Variants in GRIN3A observed in about 807,000 individuals in gnomAD.
GRIN3A encodes the protein glutamate receptor ionotropic, NMDA 3A.
Under a neutral mutation model 92.4 loss-of-function variants are expected in GRIN3A, and 47 were observed. The ratio of observed to expected loss-of-function variants is 0.51; its 90% CI spans 0.40 to 0.65. The LOEUF (loss-of-function observed/expected upper bound fraction) is 0.65, where lower values mean the gene tolerates loss of function less well. Ranked by LOEUF, GRIN3A falls within the 30% of genes least tolerant of loss-of-function variation. The probability of loss-of-function intolerance (pLI) is 0.00; values close to 1 mark genes in which losing one functional copy is unlikely to be tolerated. For synonymous variants in GRIN3A, 527 were observed against 540.6 expected, an observed-to-expected ratio of 0.97 and a Z score of 0.35; for missense variants, 1,324 against 1,393.1, an observed-to-expected ratio of 0.95 and a Z score of 0.79.
In GRIN3A at chr9:101,571,181, C is replaced by CTGTT. The variant is rs530329897; in HGVS notation, c.*1989_*1992dup. 97 of 152,312 alleles carry CTGTT rather than the reference C, an allele frequency of 6.4e-4. 1 individual carries two copies. The highest frequency in any genetic ancestry group is 2.1e-3 in the African/African-American group (87 of 41,564). The allele number at this position is 152,312 out of a possible 1,614,324, so 9.4% of individuals were successfully genotyped here. ...GTCCTTTTGTGTTTTCAGGGCTCAC[C>CTGTT]TGTTTCCTCATTATTGAACTGTTTC... On this transcript the variant is annotated 3_prime_UTR_variant, in exon 9 of 9. Transcript: ENST00000361820.
In GRIN3A at chr9:101,737,773, C is replaced by T; in HGVS notation, c.207G>A (p.Pro69=). Residue 69 remains proline, a synonymous_variant, in exon 1 of 9, where the codon CCG becomes CCA. Transcript: ENST00000361820. The part of the protein sequence containing the change: ...TTAPRAASRA[P]DDSRAGAQRD... ...TCTGGGCTCCTGCTCGGCTGTCGTCCGGAGCGCGGCTGGCCGCGCGGGGGG... is the reference window on the plus strand; with the variant it reads ...TCTGGGCTCCTGCTCGGCTGTCGTCTGGAGCGCGGCTGGCCGCGCGGGGGG... The T allele has an allele frequency of 6.5e-7, 1 of 1,528,176 alleles. No individual in the cohort carries two copies. The highest frequency in any genetic ancestry group is 2.5e-5 in the East Asian group (1 of 40,628). The allele number at this position is 1,528,176 out of a possible 1,614,324, so 94.7% of individuals were successfully genotyped here.
chr9:101,727,359 G>A (rs1170631822), intron 1 of GRIN3A, among the ~76,000 whole-genome samples: 1 of 152,048 alleles, frequency 6.6e-6, no homozygotes, highest in Non-Finnish European at 1.5e-5. Flanking sequence ...GTATTTATAG[G>A]TGATTTGGAT....
chr9:101,579,122 A>G (rs1428398851), intron 7 of GRIN3A, 74 bp downstream of exon 7: 1 of 1,485,622 alleles, frequency 6.7e-7, no homozygotes, highest in African/African-American at 1.4e-5. Flanking sequence ...AGTCTGACAT[A>G]GGGCTCTGGA....
intron 2 of GRIN3A, among the ~76,000 whole-genome samples, chr9:101,676,416 GTA>G (rs1829395760): frequency 6.6e-6 from 1 of 151,526 alleles, no homozygotes; most frequent in African/African-American, 2.4e-5. Context: ...AACTGTCTTT[GTA>G]TCATTAAACA....
chr9:101,598,968 T>G (rs921251694), intron 6 of GRIN3A, among the ~76,000 whole-genome samples: 3 of 152,144 alleles, frequency 2.0e-5, no homozygotes, highest in African/African-American at 7.2e-5. Context: ...AGAAAGGAGC[T>G]CCCAGTGTGA....
chr9:101,633,549 G>GT (rs1208632346), intron 3 of GRIN3A, among the ~76,000 whole-genome samples: 3 of 152,158 alleles, frequency 2.0e-5, no homozygotes, highest in Non-Finnish European at 4.4e-5. Flanking sequence ...GTGGAACCAG[G>GT]TGACACAGCC....
intron 1 of GRIN3A, among the ~76,000 whole-genome samples, chr9:101,692,686 G>A (rs1325256571): frequency 6.6e-6 from 1 of 152,066 alleles, no homozygotes; most frequent in Admixed American, 6.6e-5. Context: ...CATTTGAGAG[G>A]CTCAGAACAG....
At chr9:101,705,371 C>T (rs966222473) in intron 1 of GRIN3A, among the ~76,000 whole-genome samples, 3 of 152,178 alleles carry the variant, frequency 2.0e-5, no homozygotes, top group African/African-American at 7.2e-5. Flanking sequence ...AACGGCGGAA[C>T]TCCAGGCAAA....
intron 1 of GRIN3A, among the ~76,000 whole-genome samples, chr9:101,699,385 AT>A (rs1829726244): frequency 6.6e-6 from 1 of 152,218 alleles, no homozygotes; most frequent in Admixed American, 6.5e-5. Context: ...CTTAAAAAAA[AT>A]AAGTAGAAGG....
chr9:101,630,512 G>A (rs1828697236), intron 3 of GRIN3A, among the ~76,000 whole-genome samples: 1 of 152,174 alleles, frequency 6.6e-6, no homozygotes, highest in Non-Finnish European at 1.5e-5. Context: ...ATTAGAAAGT[G>A]TGTCATTTGT....
At chr9:101,598,715 A>T (rs1828173214) in intron 6 of GRIN3A, among the ~76,000 whole-genome samples, 1 of 152,192 alleles carries the variant, frequency 6.6e-6, no homozygotes. Flanking sequence ...CCTGCCCTGG[A>T]CACCTAAGTG....
chr9:101,604,854 A>G (rs899540220), intron 6 of GRIN3A, among the ~76,000 whole-genome samples: 2 of 152,220 alleles, frequency 1.3e-5, no homozygotes, highest in Non-Finnish European at 2.9e-5. Context: ...TTGGCTTTCA[A>G]TGTATAGTTG....
intron 4 of GRIN3A, among the ~76,000 whole-genome samples, chr9:101,625,115 C>T (rs1357501388): frequency 6.6e-6 from 1 of 152,138 alleles, no homozygotes; most frequent in Non-Finnish European, 1.5e-5. Context: ...CTGTATTACA[C>T]TTCTTTCTAT....
At chr9:101,712,139 T>C (rs535705624) in intron 1 of GRIN3A, among the ~76,000 whole-genome samples, 1 of 152,282 alleles carries the variant, frequency 6.6e-6, no homozygotes, top group African/African-American at 2.4e-5. Context: ...CACGATATCA[T>C]AAAGTTCTCC....
At chr9:101,719,853 C>A (rs1265205782) in intron 1 of GRIN3A, among the ~76,000 whole-genome samples, 1 of 152,164 alleles carries the variant, frequency 6.6e-6, no homozygotes, top group African/African-American at 2.4e-5. Context: ...TATAAACTAG[C>A]AATCCTAGCT....
chr9:101,575,568 T>C (rs892455093), intron 8 of GRIN3A, among the ~76,000 whole-genome samples: 5 of 152,200 alleles, frequency 3.3e-5, no homozygotes, highest in African/African-American at 1.2e-4. Context: ...TCCTGCAATA[T>C]GTACCTTATT....
At chr9:101,647,798 T>C (rs1828958471) in intron 3 of GRIN3A, among the ~76,000 whole-genome samples, 1 of 151,972 alleles carries the variant, frequency 6.6e-6, no homozygotes, top group African/African-American at 2.4e-5. Flanking sequence ...CGGTCTCTGT[T>C]GATCCTTTGT....
intron 6 of GRIN3A, among the ~76,000 whole-genome samples, chr9:101,587,629 G>T (rs1476899349): frequency 2.0e-5 from 3 of 152,156 alleles, no homozygotes; most frequent in African/African-American, 7.2e-5. Context: ...TTTTTCCCCA[G>T]AGCAAAATGA....
intron 1 of GRIN3A, among the ~76,000 whole-genome samples, chr9:101,728,905 G>A (rs1830107617): frequency 6.6e-6 from 1 of 152,146 alleles, no homozygotes; most frequent in South Asian, 2.1e-4. Context: ...CTGGCCTATA[G>A]CAGTGCTACT....
Sources: gnomAD v4.1 joint callset for allele counts (sites outside exome capture counted in the v4.1 genomes callset) on GRCh38, gnomAD v4.1.1 for gene constraint, MANE v1.5 for transcripts, NCBI Gene and HGNC (gene_info 2026-07-23, HGNC 2026-07-21) for gene names.